Variants in BBX observed in about 807,000 individuals in gnomAD.
The protein encoded by BBX is HMG box transcription factor BBX.
BBX carries 30 observed loss-of-function variants against 100.2 expected under a neutral mutation model. The observed-to-expected ratio is 0.30, with a 90% confidence interval of 0.22 to 0.41. The LOEUF is 0.41. Among genes scored for constraint, BBX ranks in the 10% least tolerant of loss-of-function variants. The pLI is 1.00. For synonymous variants in BBX, 376 were observed against 388.1 expected (o/e 0.97, Z 0.37); for missense variants, 1,023 against 1,129.8 (o/e 0.91, Z 1.35).
At chr3:107,646,961 A>G (rs1000596139) in intron 3 of BBX, among the ~76,000 whole-genome samples, 1 of 152,148 alleles carries the variant, frequency 6.6e-6, no homozygotes, top group Non-Finnish European at 1.5e-5. Flanking sequence ...ACATAGTAAA[A>G]TGTATATGAT....
At chr3:107,612,523 T>A (rs1386813515) in intron 2 of BBX, among the ~76,000 whole-genome samples, 7 of 152,224 alleles carry the variant, frequency 4.6e-5, no homozygotes, top group Admixed American at 4.6e-4. Flanking sequence ...TGATCTCGGA[T>A]AAGATCCGAA....
At chr3:107,680,962 T>A (rs1242321663) in intron 3 of BBX, among the ~76,000 whole-genome samples, 1 of 152,162 alleles carries the variant, frequency 6.6e-6, no homozygotes, top group East Asian at 1.9e-4. Context: ...TTTTGGAGTG[T>A]GCCTCTTTAC....
intron 3 of BBX, among the ~76,000 whole-genome samples, chr3:107,706,819 G>A (rs1404818832): frequency 1.3e-5 from 2 of 152,150 alleles, no homozygotes; most frequent in East Asian, 1.9e-4. Flanking sequence ...CATTGTTGAA[G>A]TAAGATGAGT....
At chr3:107,747,764 T>A (rs1410957955) in intron 8 of BBX, among the ~76,000 whole-genome samples, 2 of 152,172 alleles carry the variant, frequency 1.3e-5, no homozygotes, top group African/African-American at 4.8e-5. Flanking sequence ...ATACTCAGTC[T>A]TTGTTCTTTA....
chr3:107,718,861 T>A (rs541857701), intron 5 of BBX, among the ~76,000 whole-genome samples: 1 of 152,196 alleles, frequency 6.6e-6, no homozygotes, highest in South Asian at 2.1e-4. Context: ...TTGTTTGTAG[T>A]TGCTGTTAGG....
At chr3:107,576,235 A>C (rs1470448735) in intron 2 of BBX, among the ~76,000 whole-genome samples, 1 of 152,222 alleles carries the variant, frequency 6.6e-6, no homozygotes, top group African/African-American at 2.4e-5. Flanking sequence ...GATATGCTGA[A>C]GTTGAAGTGG....
intron 2 of BBX, among the ~76,000 whole-genome samples, chr3:107,565,051 TG>T: frequency 6.6e-6 from 1 of 152,342 alleles, no homozygotes. Flanking sequence ...ATTTTTTTCT[TG>T]GGTTTATTCT....
At chr3:107,691,433 A>G (rs190273513) in intron 3 of BBX, among the ~76,000 whole-genome samples, 19 of 152,338 alleles carry the variant, frequency 1.2e-4, no homozygotes, top group African/African-American at 4.6e-4. Flanking sequence ...AAAGAAATAT[A>G]AAAGGAATTG....
chr3:107,533,998 C>CT (rs1484316900), intron 2 of BBX, among the ~76,000 whole-genome samples: 1 of 152,076 alleles, frequency 6.6e-6, no homozygotes, highest in Non-Finnish European at 1.5e-5. Context: ...TATAAAACTA[C>CT]TTTAGAAAAA....
At chr3:107,636,945 G>T (rs2056885023) in intron 2 of BBX, among the ~76,000 whole-genome samples, 1 of 152,134 alleles carries the variant, frequency 6.6e-6, no homozygotes, top group African/African-American at 2.4e-5. Context: ...TTCTAGTGTG[G>T]TGAGCATTTA....
chr3:107,676,139 T>G (rs2059268378), intron 3 of BBX, among the ~76,000 whole-genome samples: 1 of 152,106 alleles, frequency 6.6e-6, no homozygotes, highest in Non-Finnish European at 1.5e-5. Flanking sequence ...AATTATAGAA[T>G]CTGCTTCCAA....
chr3:107,771,435 A>G (rs2066900769), intron 10 of BBX, among the ~76,000 whole-genome samples: 1 of 152,186 alleles, frequency 6.6e-6, no homozygotes, highest in African/African-American at 2.4e-5. Context: ...ATAAAAACTT[A>G]ACCAAATTGG....
intron 3 of BBX, among the ~76,000 whole-genome samples, chr3:107,706,839 G>T (rs1192435542): frequency 1.3e-5 from 2 of 151,994 alleles, no homozygotes; most frequent in Non-Finnish European, 2.9e-5. Context: ...TGATAACATT[G>T]TCTCAAAATT....
intron 3 of BBX, among the ~76,000 whole-genome samples, chr3:107,683,812 A>G (rs1416083187): frequency 1.3e-5 from 2 of 152,134 alleles, no homozygotes; most frequent in East Asian, 1.9e-4. Context: ...CTATGTGTCT[A>G]TCAGCTCTAC....
At chr3:107,530,854 G>T (rs594649) in intron 2 of BBX, among the ~76,000 whole-genome samples, 16,319 of 152,172 alleles carry the variant, frequency 0.11, 987 homozygotes, top group Non-Finnish European at 0.12. Context: ...AATCCAATCT[G>T]TTTCAAGCCA....
intron 2 of BBX, among the ~76,000 whole-genome samples, chr3:107,557,126 C>G (rs1430812445): frequency 1.3e-5 from 2 of 152,116 alleles, no homozygotes; most frequent in Non-Finnish European, 2.9e-5. Flanking sequence ...ATTCACATAC[C>G]TATTGAGAAT....
At chr3:107,581,886 T>G (rs1055226793) in intron 2 of BBX, among the ~76,000 whole-genome samples, 1 of 152,194 alleles carries the variant, frequency 6.6e-6, no homozygotes, top group Non-Finnish European at 1.5e-5. Flanking sequence ...ATGCTTTTTT[T>G]AAAATTAGAA....
At chr3:107,702,911 G>T (rs1386378802) in intron 3 of BBX, among the ~76,000 whole-genome samples, 1 of 152,146 alleles carries the variant, frequency 6.6e-6, no homozygotes, top group Non-Finnish European at 1.5e-5. Context: ...CATGTGGCGG[G>T]TGTGGAGAGC....
intron 6 of BBX, among the ~76,000 whole-genome samples, chr3:107,730,720 C>T (rs1296065418): frequency 1.3e-5 from 2 of 152,116 alleles, no homozygotes; most frequent in Non-Finnish European, 2.9e-5. Context: ...AAGGAAAACA[C>T]CTTCCTTGCA....
Sources: allele counts gnomAD v4.1 joint callset (sites outside exome capture counted in the v4.1 genomes callset), GRCh38; gene constraint gnomAD v4.1.1; transcripts MANE v1.5; gene names NCBI Gene and HGNC (gene_info 2026-07-23, HGNC 2026-07-21).